The following FSTL5 variants were observed in gnomAD, a reference collection of about 807,000 sequenced individuals.
The protein encoded by FSTL5 is follistatin like 5.
A neutral mutation model predicts 89.1 loss-of-function variants in FSTL5; 62 were observed. That is an observed-to-expected ratio of 0.70 (90% CI 0.57 to 0.86). The LOEUF is 0.86. Among genes scored for constraint, FSTL5 ranks in the 40% least tolerant of loss-of-function variants. The pLI is 0.00. For missense variants in FSTL5, 1,057 were observed against 1,001.6 expected, an observed-to-expected ratio of 1.06 and a Z score of -0.75; for synonymous variants, 383 against 346.2, an observed-to-expected ratio of 1.11 and a Z score of -1.18.
intron 9 of FSTL5, 143 bp downstream of exon 9, chr4:161,542,389 A>C (rs1731849432): frequency 2.3e-6 from 1 of 433,326 alleles, no homozygotes; most frequent in South Asian, 9.7e-5. Context: ...ATAATTTCTT[A>C]GATATGAGCA....
Position 161,455,225 on chromosome 4 carries a change from T to G in FSTL5, c.1717-97A>C, listed in dbSNP as rs927740252. On this transcript the variant is annotated intron_variant, in intron 14 of 15. Transcript: ENST00000306100. ...GAGATGAAATAAATGTTTCTGGCAG[T>G]TGTTTGCATAGACTTTATGCCATCC... 22 of 992,328 alleles carry G rather than the reference T, an allele frequency of 2.2e-5. No homozygotes were observed. The African/African-American group carries it at 3.5e-4, about 16-fold the overall frequency. 61.5% of individuals were successfully genotyped at this position (992,328 alleles called of 1,614,324 possible). A position where few individuals can be genotyped will look rare whatever the true frequency, so the allele number is the denominator to read the frequency against.
intron 12 of FSTL5, among the ~76,000 whole-genome samples, chr4:161,492,526 A>G (rs1176795411): frequency 6.6e-6 from 1 of 152,114 alleles, no homozygotes; most frequent in Non-Finnish European, 1.5e-5. Context: ...CTTTAATTCT[A>G]TTGTTTTCTA....
chr4:161,883,732 A>T (rs1039519027), intron 4 of FSTL5, among the ~76,000 whole-genome samples: 9 of 152,226 alleles, frequency 5.9e-5, no homozygotes, highest in Admixed American at 5.2e-4. Flanking sequence ...AGGAAAATAT[A>T]AAGCTCCCTG....
chr4:162,014,926 A>G (rs1578948346), intron 3 of FSTL5, among the ~76,000 whole-genome samples: 1 of 152,328 alleles, frequency 6.6e-6, no homozygotes, highest in African/African-American at 2.4e-5. Flanking sequence ...CATTAAAAAC[A>G]GCAGCTAGAA....
rs114961637 is a variant in FSTL5, at chr4:161,994,354, T to G, written c.160+39271A>C. Among the ~76,000 whole-genome samples, 1,336 of 152,270 alleles carry G rather than the reference T, an allele frequency of 8.8e-3. 25 individuals are homozygous for G. Among genetic ancestry groups the G allele is most frequent in the African/African-American group, 0.031 (1,274 of 41,550 alleles). ...TGAATAGTGCTGCAATAAACATTCA[T>G]GCATGTATGGTAGAATGATTTATAT... On this transcript the variant is annotated intron_variant, in intron 3 of 15. Transcript: ENST00000306100.
chr4:161,935,698 C>T (rs1734413409), intron 3 of FSTL5, among the ~76,000 whole-genome samples: 1 of 151,972 alleles, frequency 6.6e-6, no homozygotes, highest in South Asian at 2.1e-4. Flanking sequence ...TCTGAGAGTC[C>T]TTTTTGTTCT....
At chr4:162,051,611 AC>A (rs539350270) in intron 2 of FSTL5, among the ~76,000 whole-genome samples, 37 of 151,584 alleles carry the variant, frequency 2.4e-4, no homozygotes, top group Non-Finnish European at 4.7e-4. Flanking sequence ...TTCATAAAAA[AC>A]AATTGGAGAA....
At chr4:162,076,464 T>G (rs1729851019) in intron 2 of FSTL5, among the ~76,000 whole-genome samples, 1 of 151,962 alleles carries the variant, frequency 6.6e-6, no homozygotes, top group African/African-American at 2.4e-5. Context: ...TAGGTAAAGC[T>G]TCAATGGGTT....
chr4:161,648,305 A>G (rs1314797639), intron 7 of FSTL5, among the ~76,000 whole-genome samples: 1 of 152,116 alleles, frequency 6.6e-6, no homozygotes, highest in Non-Finnish European at 1.5e-5. Context: ...AGCTGTAAGC[A>G]TTCACCCCTA....
chr4:162,163,614 C>G lies in FSTL5; in HGVS notation c.-17+1G>C, dbSNP rs1354792117. On this transcript the variant is annotated splice_donor_variant, in intron 1 of 15. Transcript: ENST00000306100. LOFTEE classifies it low-confidence loss of function (5UTR_SPLICE). ...ATTTATAACAATATTATTTTTCTTA[C>G]CTTATTTTAACAGTCACAAAAGTCC... The G allele has an allele frequency of 1.3e-5, 2 of 151,436 alleles. No homozygotes were observed. The highest frequency in any genetic ancestry group is 6.6e-5 in the Admixed American group (1 of 15,212). 9.4% of individuals were successfully genotyped at this position (151,436 alleles called of 1,614,324 possible).
At chr4:161,687,922 G>C (rs560331472) in intron 6 of FSTL5, among the ~76,000 whole-genome samples, 1 of 152,314 alleles carries the variant, frequency 6.6e-6, no homozygotes, top group Admixed American at 6.5e-5. Flanking sequence ...CTATAAAAAG[G>C]CTTACGGAAG....
At chr4:161,724,287 A>G (rs774134619) in intron 6 of FSTL5, among the ~76,000 whole-genome samples, 8 of 152,172 alleles carry the variant, frequency 5.3e-5, no homozygotes, top group Non-Finnish European at 8.8e-5. Flanking sequence ...GAATAATAAA[A>G]TAAGCATTGT....
intron 1 of FSTL5, among the ~76,000 whole-genome samples, chr4:162,143,262 T>A (rs1470133506): frequency 6.6e-6 from 1 of 152,118 alleles, no homozygotes; most frequent in East Asian, 1.9e-4. Context: ...AACTAACTTG[T>A]AAAGATTATT....
At chr4:161,845,441 A>C (rs1731338017) in intron 4 of FSTL5, among the ~76,000 whole-genome samples, 1 of 152,110 alleles carries the variant, frequency 6.6e-6, no homozygotes, top group African/African-American at 2.4e-5. Context: ...AATCCATCTC[A>C]CTGTTTAATA....
chr4:161,526,088 C>T (rs1464398478), intron 10 of FSTL5, among the ~76,000 whole-genome samples: 3 of 152,058 alleles, frequency 2.0e-5, no homozygotes, highest in South Asian at 2.1e-4. Flanking sequence ...TTTAGGATTA[C>T]AACTTCTTAA....
At position 161,500,135 on chromosome 4, in the gene FSTL5, C is replaced by T; in HGVS notation, c.1340-1G>A. The T allele has an allele frequency of 6.5e-7, 1 of 1,537,264 alleles. No homozygotes were observed. The highest frequency in any genetic ancestry group is 8.9e-7 in the Non-Finnish European group (1 of 1,119,772). On this transcript the variant is annotated splice_acceptor_variant, in intron 11 of 15. Coordinates refer to ENST00000306100, the MANE Select transcript of FSTL5 (RefSeq NM_020116.5). LOFTEE classifies it high-confidence loss of function. ...TAGAACATGTTCCCAATTCCCAGAC[C>T]TTAGGAATAAAAACACATTTAAATG...
chr4:161,674,910 G>T (rs998266037), intron 6 of FSTL5, among the ~76,000 whole-genome samples: 2 of 152,180 alleles, frequency 1.3e-5, no homozygotes, highest in Admixed American at 1.3e-4. Flanking sequence ...CACTTCGGGG[G>T]CTCCACTGGG....
At chr4:161,669,111 C>A (rs867920910) in intron 6 of FSTL5, among the ~76,000 whole-genome samples, 2,119 of 103,892 alleles carry the variant, frequency 0.02, no homozygotes, top group South Asian at 0.029. Context: ...GACTCTGTCT[C>A]AAAAAAAAAA....
At chr4:161,934,616 G>T (rs67946306) in intron 3 of FSTL5, among the ~76,000 whole-genome samples, 49,339 of 151,186 alleles carry the variant, frequency 0.33, 9,611 homozygotes, top group Non-Finnish European at 0.43. Context: ...ATTTTGTGGG[G>T]TTTTTTTTCG....
Sources: allele counts gnomAD v4.1 joint callset (sites outside exome capture counted in the v4.1 genomes callset), GRCh38; gene constraint gnomAD v4.1.1; transcripts MANE v1.5; gene names NCBI Gene and HGNC (gene_info 2026-07-23, HGNC 2026-07-21).